ZNF248: variants seen among roughly 807,000 people sequenced by gnomAD.
ZNF248 encodes the protein KRAB protein domain.
Under a neutral mutation model 44.3 loss-of-function variants are expected in ZNF248, and 20 were observed. The observed-to-expected ratio is 0.45, with a 90% CI of 0.32 to 0.66. The LOEUF (loss-of-function observed/expected upper bound fraction) is 0.66, where lower values mean the gene tolerates loss of function less well. ZNF248 is among the 30% of genes least tolerant of loss of function. The probability of loss-of-function intolerance (pLI) is 0.04; values close to 1 mark genes in which losing one functional copy is unlikely to be tolerated. For missense variants in ZNF248, 654 were observed against 677.0 expected, an observed-to-expected ratio of 0.97 and a Z score of 0.38; for synonymous variants, 224 against 229.0, an observed-to-expected ratio of 0.98 and a Z score of 0.20.
chr10:37,766,395 T>G, the ZNF248 span, among the ~76,000 whole-genome samples: 1 of 152,156 alleles, frequency 6.6e-6, no homozygotes, highest in Non-Finnish European at 1.5e-5. Flanking sequence ...GGCCGGGTAC[T>G]CCTCTGAAAC....
intron 6 of ZNF248, chr10:37,818,976 A>G (rs1277079201): frequency 9.5e-7 from 1 of 1,052,688 alleles, no homozygotes; most frequent in Non-Finnish European, 1.5e-6. Flanking sequence ...TCTCAACCAC[A>G]AAACTCTGGT....
the ZNF248 span, among the ~76,000 whole-genome samples, chr10:37,771,193 C>G: frequency 6.6e-6 from 1 of 152,150 alleles, no homozygotes; most frequent in Non-Finnish European, 1.5e-5. Flanking sequence ...ACCAGTTCAA[C>G]AATTGTGGAA....
At chr10:37,818,736 G>T in intron 6 of ZNF248, 1 of 625,144 alleles carries the variant, frequency 1.6e-6, no homozygotes, top group South Asian at 1.7e-5. Flanking sequence ...GGGCATCAAT[G>T]CAGTCCTCCT....
chr10:37,791,232 C>A (rs1208763), intron 6 of ZNF248, among the ~76,000 whole-genome samples: 1 of 151,212 alleles, frequency 6.6e-6, no homozygotes, highest in South Asian at 2.1e-4. Flanking sequence ...TTAGTAGAGA[C>A]GGGGTTTCAC....
chr10:37,849,414 G>C lies in ZNF248; in HGVS notation c.15+6882C>G, dbSNP rs1455267985. On this transcript the variant is annotated intron_variant, in intron 3 of 5. Coordinates refer to ENST00000395867, the MANE Select transcript of ZNF248 (RefSeq NM_021045.3). The stretch of plus-strand genomic sequence containing the variant: ...TTCAAAGAAACGGCCGGGCACAGTG[G>C]CTCACGCCTTGTAATCCCAGCACTT... 2.6e-5 allele frequency among the ~76,000 whole-genome samples: 4 copies of C among 152,176 alleles called. No individual in the cohort carries two copies. The South Asian group carries it at 8.3e-4, about 32-fold the overall frequency.
chr10:37,788,110 A>G (rs2048091651), intron 6 of ZNF248, among the ~76,000 whole-genome samples: 1 of 150,872 alleles, frequency 6.6e-6, no homozygotes, highest in Non-Finnish European at 1.5e-5. Context: ...CTCTACTAAT[A>G]AAAAATTAGC....
chr10:37,767,105 C>T, the ZNF248 span, among the ~76,000 whole-genome samples: 1 of 152,082 alleles, frequency 6.6e-6, no homozygotes, highest in Non-Finnish European at 1.5e-5. Context: ...GCAAAGCCTC[C>T]AAGAAATATG....
chr10:37,765,987 C>T, the ZNF248 span, among the ~76,000 whole-genome samples: 16 of 152,368 alleles, frequency 1.1e-4, no homozygotes, highest in South Asian at 2.1e-4. Context: ...GAGGGTCCTA[C>T]GCCCACGGAG....
At chr10:37,846,963 A>C (rs1248315198) in intron 3 of ZNF248, among the ~76,000 whole-genome samples, 1 of 152,214 alleles carries the variant, frequency 6.6e-6, no homozygotes, top group Non-Finnish European at 1.5e-5. Context: ...AAAATGCAAA[A>C]ACTGGGAAAC....
chr10:37,789,578 T>C (rs2048273005), intron 6 of ZNF248, among the ~76,000 whole-genome samples: 1 of 152,156 alleles, frequency 6.6e-6, no homozygotes, highest in Non-Finnish European at 1.5e-5. Context: ...TAAAACATAA[T>C]TATAGAACAA....
intron 6 of ZNF248, among the ~76,000 whole-genome samples, chr10:37,791,029 T>C (rs1458973510): frequency 1.4e-5 from 2 of 143,692 alleles, no homozygotes; most frequent in East Asian, 2.0e-4. Context: ...GTTTCTCTTA[T>C]ACTTTGTTAT....
intron 3 of ZNF248, among the ~76,000 whole-genome samples, chr10:37,854,328 A>C (rs561551828): frequency 6.6e-6 from 1 of 152,342 alleles, no homozygotes; most frequent in South Asian, 2.1e-4. Context: ...CCAAAAAATA[A>C]TGGCTTGCAA....
chr10:37,777,830 C>A (rs1490410899), intron 6 of ZNF248, among the ~76,000 whole-genome samples: 1 of 151,952 alleles, frequency 6.6e-6, no homozygotes, highest in Non-Finnish European at 1.5e-5. Context: ...ATGATGACTT[C>A]CAATTTCATC....
intron 3 of ZNF248, among the ~76,000 whole-genome samples, chr10:37,851,903 C>T (rs1230689636): frequency 1.3e-5 from 2 of 151,642 alleles, no homozygotes; most frequent in Non-Finnish European, 2.9e-5. Flanking sequence ...TTTTTCATAG[C>T]CCAAAATTGG....
chr10:37,783,136 A>G (rs1036452913), intron 6 of ZNF248, among the ~76,000 whole-genome samples: 4 of 151,876 alleles, frequency 2.6e-5, no homozygotes, highest in African/African-American at 9.7e-5. Flanking sequence ...CCACTCAAGA[A>G]CTCTTGAGTG....
intron 6 of ZNF248, among the ~76,000 whole-genome samples, chr10:37,793,772 C>T (rs1260962316): frequency 6.6e-6 from 1 of 152,130 alleles, no homozygotes; most frequent in African/African-American, 2.4e-5. Flanking sequence ...GGATTTCCTA[C>T]TTTTCCGTGT....
At chr10:37,779,265 A>G (rs540774359) in intron 6 of ZNF248, among the ~76,000 whole-genome samples, 3 of 152,390 alleles carry the variant, frequency 2.0e-5, no homozygotes, top group East Asian at 1.9e-4. Context: ...AAAATCCTCA[A>G]TAAAATACTG....
intron 6 of ZNF248, among the ~76,000 whole-genome samples, chr10:37,800,116 T>TA (rs200573730): frequency 0.011 from 1,619 of 152,260 alleles, 25 homozygotes; most frequent in South Asian, 0.06. Context: ...TTTGAAAATT[T>TA]AAAAAACTTT....
At chr10:37,852,237 A>G (rs982888227) in intron 3 of ZNF248, among the ~76,000 whole-genome samples, 18 of 151,672 alleles carry the variant, frequency 1.2e-4, no homozygotes, top group Admixed American at 9.9e-4. Flanking sequence ...ACAAGAGTGA[A>G]ACTCCACCTC....
Sources: gnomAD v4.1 joint callset for allele counts (sites outside exome capture counted in the v4.1 genomes callset) on GRCh38, gnomAD v4.1.1 for gene constraint, MANE v1.5 for transcripts, NCBI Gene and HGNC (gene_info 2026-07-23, HGNC 2026-07-21) for gene names.